The following FBXL17 variants were observed in gnomAD, a reference collection of about 807,000 sequenced individuals.
FBXL17 encodes F-box and leucine rich repeat protein 17.
In FBXL17, 22 loss-of-function variants were observed where a neutral mutation model predicts 66.2. The ratio of observed to expected loss-of-function variants is 0.33; its 90% CI spans 0.24 to 0.47. The LOEUF (loss-of-function observed/expected upper bound fraction) is 0.47. Ranked by LOEUF, FBXL17 falls within the 20% of genes least tolerant of loss-of-function variation. The pLI, the probability that FBXL17 is intolerant of heterozygous loss-of-function variation, is 1.00. For missense variants in FBXL17, 878 were observed against 948.2 expected (o/e 0.93, Z 0.97); for synonymous variants, 474 against 400.5 (o/e 1.18, Z -2.19).
chr5:108,042,880 A>C (rs2112806859), intron 6 of FBXL17, among the ~76,000 whole-genome samples: 1 of 152,322 alleles, frequency 6.6e-6, no homozygotes, highest in Admixed American at 6.5e-5. Flanking sequence ...CAGTTTCTTA[A>C]CATCCTCAAC....
intron 6 of FBXL17, among the ~76,000 whole-genome samples, chr5:108,079,112 G>C (rs969866092): frequency 6.6e-6 from 1 of 151,730 alleles, no homozygotes; most frequent in African/African-American, 2.4e-5. Flanking sequence ...GCCTCCCAAA[G>C]GGGTGGGATT....
At chr5:108,050,951 A>G (rs762049516) in intron 6 of FBXL17, among the ~76,000 whole-genome samples, 5 of 152,222 alleles carry the variant, frequency 3.3e-5, no homozygotes, top group African/African-American at 1.2e-4. Context: ...AGAGAATACT[A>G]GAAACACCTC....
chr5:108,113,441 TA>T (rs1377878896), intron 6 of FBXL17, among the ~76,000 whole-genome samples: 1 of 151,778 alleles, frequency 6.6e-6, no homozygotes, highest in Non-Finnish European at 1.5e-5. Flanking sequence ...GCTATACACA[TA>T]TATATATATA....
Position 107,861,801 on chromosome 5 carries a change from G to T in FBXL17, c.2025C>A (p.Thr675=). 6.3e-7 allele frequency: 1 copy of T among 1,579,864 alleles called. No homozygotes were observed. Among genetic ancestry groups the T allele is most frequent in the Non-Finnish European group, 8.6e-7 (1 of 1,160,220 alleles). The change falls in exon 9 of 9, where the codon ACC becomes ACA. Residue 675 remains threonine, a synonymous_variant. Coordinates refer to ENST00000542267, the MANE Select transcript of FBXL17 (RefSeq NM_001163315.3). ...AGGTCCTCTTGCAGTCCTGCAGGAC[G>T]GTGCTGAAGGTGATGTGGGGGTACT... ...VQQYPHITFS[T]VLQDCKRTLE... is the part of the protein sequence containing the mutation.
In FBXL17 at chr5:108,377,222, T is replaced by A. The variant is rs368978283; in HGVS notation, c.993+3477A>T. On this transcript the variant is annotated intron_variant, in intron 1 of 8. Transcript: ENST00000542267. Reference sequence around the variant, plus strand: ...GGCCCTTGCTCTCAGTTAGACAACCTCAGGTCTCCCCTACACATGTGCATA... The same window carrying A: ...GGCCCTTGCTCTCAGTTAGACAACCACAGGTCTCCCCTACACATGTGCATA... Among the ~76,000 whole-genome samples the A allele has an allele frequency of 5.8e-4, 89 of 152,308 alleles. 1 individual carries two copies. In the South Asian group the frequency reaches 9.3e-3, roughly 16 times the overall value.
chr5:108,075,600 T>C (rs1490965969), intron 6 of FBXL17, among the ~76,000 whole-genome samples: 1 of 152,166 alleles, frequency 6.6e-6, no homozygotes, highest in African/African-American at 2.4e-5. Flanking sequence ...CTCAGCCTCC[T>C]GAGTAGCTGG....
intron 4 of FBXL17, among the ~76,000 whole-genome samples, chr5:108,271,620 G>A (rs1325503900): frequency 6.6e-6 from 1 of 152,200 alleles, no homozygotes; most frequent in African/African-American, 2.4e-5. Flanking sequence ...TATGAGTTGG[G>A]AAATACCTGC....
intron 1 of FBXL17, among the ~76,000 whole-genome samples, chr5:108,371,564 C>A (rs891192025): frequency 6.6e-6 from 1 of 152,080 alleles, no homozygotes; most frequent in Non-Finnish European, 1.5e-5. Context: ...AGAAACTGCC[C>A]ATGAGAAAAC....
At chr5:108,149,820 CT>C (rs1200268501) in intron 6 of FBXL17, among the ~76,000 whole-genome samples, 1 of 151,964 alleles carries the variant, frequency 6.6e-6, no homozygotes, top group East Asian at 1.9e-4. Context: ...TAAAATATTC[CT>C]TTTTACCTTG....
intron 5 of FBXL17, among the ~76,000 whole-genome samples, chr5:108,210,957 T>C: frequency 6.6e-6 from 1 of 152,202 alleles, no homozygotes. Flanking sequence ...AGTCTCCTTG[T>C]AGGTCTCTAA....
chr5:107,886,526 C>A (rs1472307263), intron 7 of FBXL17, among the ~76,000 whole-genome samples: 2 of 151,754 alleles, frequency 1.3e-5, no homozygotes, highest in African/African-American at 4.8e-5. Flanking sequence ...AGGACTGGAG[C>A]AGGGAAAGTA....
intron 6 of FBXL17, among the ~76,000 whole-genome samples, chr5:108,089,405 C>T (rs1166032159): frequency 1.3e-5 from 2 of 152,160 alleles, no homozygotes; most frequent in Non-Finnish European, 2.9e-5. Flanking sequence ...CTCTTAACTC[C>T]TACCATGGAC....
chr5:108,142,465 C>A (rs1561431145), intron 6 of FBXL17, among the ~76,000 whole-genome samples: 1 of 152,168 alleles, frequency 6.6e-6, no homozygotes, highest in Non-Finnish European at 1.5e-5. Context: ...ATGCTCCTTA[C>A]TATTTATTTT....
In FBXL17 at chr5:108,101,403, C is replaced by A. The variant is rs569254333; in HGVS notation, c.1746-80402G>T. ...TCGATGTTCCACTATTCATTACTCC[C>A]TGATGCTTGCCAAAGACCAGACTGA... On this transcript the variant is annotated intron_variant, in intron 6 of 8. Coordinates refer to ENST00000542267, the MANE Select transcript of FBXL17 (RefSeq NM_001163315.3). Among the ~76,000 whole-genome samples the A allele has an allele frequency of 1.7e-4, 26 of 152,332 alleles. 1 individual carries two copies. In the South Asian group the frequency reaches 2.7e-3, roughly 16 times the overall value.
rs1749835619 is a variant in FBXL17 at position 107,908,486 on chromosome 5, A to G, written c.1823-27307T>C. 2.6e-5 allele frequency among the ~76,000 whole-genome samples: 4 copies of G among 152,190 alleles called. No individual in the cohort carries two copies. In the South Asian group the frequency reaches 8.3e-4, roughly 32 times the overall value. On this transcript the variant is annotated intron_variant, in intron 7 of 8. Transcript: ENST00000542267. ...AAAAATATCCATATATTCAAAGTTA[A>G]AGGAAGTCTGAGCTCATCTGAGAAA...
At chr5:108,354,960 T>C (rs1048596232) in intron 3 of FBXL17, among the ~76,000 whole-genome samples, 25 of 152,052 alleles carry the variant, frequency 1.6e-4, no homozygotes, top group Admixed American at 6.6e-5. Context: ...ATAAAGACTT[T>C]GTCTAACAAA....
chr5:108,077,606 T>C (rs993556189), intron 6 of FBXL17, among the ~76,000 whole-genome samples: 2 of 150,666 alleles, frequency 1.3e-5, no homozygotes, highest in African/African-American at 2.4e-5. Context: ...GAGGATGCAG[T>C]GAGCCATGTT....
intron 6 of FBXL17, among the ~76,000 whole-genome samples, chr5:108,059,015 G>A (rs1353146718): frequency 1.3e-5 from 2 of 152,030 alleles, no homozygotes; most frequent in Non-Finnish European, 2.9e-5. Context: ...CAGATCCTTG[G>A]GTCACAATGC....
chr5:108,280,017 G>GA (rs930105593), intron 4 of FBXL17, among the ~76,000 whole-genome samples: 7 of 151,984 alleles, frequency 4.6e-5, no homozygotes, highest in Non-Finnish European at 8.8e-5. Flanking sequence ...AATACCTAAG[G>GA]AAAAAGAGAG....
Sources: gnomAD v4.1 joint callset for allele counts (sites outside exome capture counted in the v4.1 genomes callset) on GRCh38, gnomAD v4.1.1 for gene constraint, MANE v1.5 for transcripts, NCBI Gene and HGNC (gene_info 2026-07-23, HGNC 2026-07-21) for gene names.